Variants in NT5DC3 observed in about 807,000 individuals in gnomAD.
The protein encoded by NT5DC3 is 5'-nucleotidase domain containing 3.
NT5DC3 carries 42 observed loss-of-function variants against 67.8 expected under a neutral mutation model. The ratio of observed to expected loss-of-function variants is 0.62; its 90% confidence interval spans 0.48 to 0.80. The LOEUF (loss-of-function observed/expected upper bound fraction) is 0.80, where lower values mean the gene tolerates loss of function less well. Among genes scored for constraint, NT5DC3 ranks in the 30% least tolerant of loss-of-function variants. The probability of loss-of-function intolerance (pLI) is 0.00; values close to 1 mark genes in which losing one functional copy is unlikely to be tolerated. For missense variants in NT5DC3, 570 were observed against 696.4 expected (o/e 0.82, Z 2.04); for synonymous variants, 237 against 255.6 (o/e 0.93, Z 0.69).
At chr12:103,807,799 G>A (rs1397827768) in intron 2 of NT5DC3, among the ~76,000 whole-genome samples, 1 of 152,108 alleles carries the variant, frequency 6.6e-6, no homozygotes, top group African/African-American at 2.4e-5. Context: ...CCATACTCAC[G>A]AGATCTGATG....
rs373708288 is a variant in NT5DC3 at position 103,787,914 on chromosome 12, GCTATTAT to G, written c.1102-394_1102-388del. 2.5e-3 allele frequency among the ~76,000 whole-genome samples: 374 copies of G among 152,206 alleles called. 1 individual carries two copies. Among genetic ancestry groups the G allele is most frequent in the African/African-American group, 8.5e-3 (352 of 41,540 alleles). The stretch of plus-strand genomic sequence containing the variant: ...ACATTCTCATAGCCAAGTTGTATTA[GCTATTAT>G]CTTCATAATTTTCTTAGGCTAACTT... On this transcript the variant is annotated intron_variant, in intron 10 of 13. Transcript: ENST00000392876.
At chr12:103,805,534 C>T (rs890176173) in intron 4 of NT5DC3, among the ~76,000 whole-genome samples, 1 of 151,976 alleles carries the variant, frequency 6.6e-6, no homozygotes, top group African/African-American at 2.4e-5. Flanking sequence ...AAAAAAAGGC[C>T]AAGTTCTCCA....
chr12:103,751,635 C>T, the NT5DC3 span, among the ~76,000 whole-genome samples: 289 of 152,192 alleles, frequency 1.9e-3, 1 homozygote, highest in African/African-American at 6.5e-3. Flanking sequence ...ACAGCTGGGA[C>T]CAGCTGATTT....
chr12:103,766,710 CAG>C (rs1884990097), downstream of NT5DC3: 2 of 185,608 alleles, frequency 1.1e-5, no homozygotes, highest in Non-Finnish European at 2.3e-5. Context: ...GTTTATGGAA[CAG>C]AAACAAAGTC....
At chr12:103,803,738 T>C (rs1886678394) in intron 4 of NT5DC3, among the ~76,000 whole-genome samples, 1 of 152,196 alleles carries the variant, frequency 6.6e-6, no homozygotes, top group South Asian at 2.1e-4. Context: ...TGGCTTCCTG[T>C]TCCTGCGTTA....
chr12:103,820,956 A>G (rs554128310), intron 1 of NT5DC3: 1 of 152,330 alleles, frequency 6.6e-6, no homozygotes, highest in South Asian at 2.1e-4. Flanking sequence ...AGTTGGCTCC[A>G]CTTTCCAGAC....
At chr12:103,761,367 T>C in the NT5DC3 span, 1 of 1,613,968 alleles carries the variant, frequency 6.2e-7, no homozygotes, top group East Asian at 2.2e-5. Context: ...AATGGGATCA[T>C]TCATGTCATT....
At chr12:103,753,492 C>A in the NT5DC3 span, 1 of 1,148,644 alleles carries the variant, frequency 8.7e-7, no homozygotes, top group Non-Finnish European at 1.2e-6. Flanking sequence ...TGCTAACAGT[C>A]ACCATGTCCA....
chr12:103,780,471 T>C, intron 12 of NT5DC3, 107 bp from the exon 13 acceptor site: 1 of 971,084 alleles, frequency 1.0e-6, no homozygotes, highest in Non-Finnish European at 1.6e-6. Flanking sequence ...TTTATTCCCT[T>C]ACATCTCAGA....
intron 2 of NT5DC3, among the ~76,000 whole-genome samples, chr12:103,813,808 G>C (rs1887134313): frequency 6.6e-6 from 1 of 152,222 alleles, no homozygotes; most frequent in Non-Finnish European, 1.5e-5. Flanking sequence ...AAAAGTCTTA[G>C]AGGGCGTAAT....
chr12:103,778,553 A>G (rs1458324391), intron 13 of NT5DC3, among the ~76,000 whole-genome samples: 1 of 150,762 alleles, frequency 6.6e-6, no homozygotes, highest in Non-Finnish European at 1.5e-5. Context: ...ACAAACAAAC[A>G]AAAAAAACAG....
At chr12:103,750,779 A>G in the NT5DC3 span, 1 of 1,542,810 alleles carries the variant, frequency 6.5e-7, no homozygotes, top group Non-Finnish European at 8.8e-7. Flanking sequence ...TGGGGAAGGG[A>G]CCCTCAAGGG....
In NT5DC3 at chr12:103,826,859, T is replaced by G. The variant is rs564118303; in HGVS notation, c.209-11738A>C. Among the ~76,000 whole-genome samples, 9 of 152,380 alleles carry G rather than the reference T, an allele frequency of 5.9e-5. No individual in the cohort carries two copies. In the South Asian group the frequency reaches 1.7e-3, roughly 28 times the overall value. Reference sequence around the variant, plus strand: ...CAAATATAAAACCATGACATTCTTCTAAATTTCTTTTATTTTGGATAATAG... The same window carrying G: ...CAAATATAAAACCATGACATTCTTCGAAATTTCTTTTATTTTGGATAATAG... On this transcript the variant is annotated intron_variant, in intron 1 of 13. Coordinates refer to ENST00000392876, the MANE Select transcript of NT5DC3 (RefSeq NM_001031701.3).
rs1205045264 is a variant in NT5DC3, at chr12:103,777,093, A to G, written c.*736T>C. On this transcript the variant is annotated 3_prime_UTR_variant, in exon 14 of 14. Coordinates refer to ENST00000392876, the MANE Select transcript of NT5DC3 (RefSeq NM_001031701.3). ...CCACTCGTTTCTTGCAGAAGGCTCTACAGAAGGCTGTTCCACTAGCTGGCA... is the reference window on the plus strand; with the variant it reads ...CCACTCGTTTCTTGCAGAAGGCTCTGCAGAAGGCTGTTCCACTAGCTGGCA... The G allele has an allele frequency of 2.0e-5, 3 of 152,238 alleles. No individual in the cohort carries two copies. Among genetic ancestry groups the G allele is most frequent in the African/African-American group, 7.2e-5 (3 of 41,426 alleles). 9.4% of individuals were successfully genotyped at this position (152,238 alleles called of 1,614,324 possible).
At chr12:103,762,938 G>C in the NT5DC3 span, among the ~76,000 whole-genome samples, 15 of 152,200 alleles carry the variant, frequency 9.9e-5, no homozygotes, top group South Asian at 2.1e-4. Flanking sequence ...CAGCACAGCG[G>C]TTGAGCATCT....
the NT5DC3 span, among the ~76,000 whole-genome samples, chr12:103,748,069 A>G: frequency 1.1e-4 from 17 of 152,170 alleles, no homozygotes; most frequent in African/African-American, 3.9e-4. Context: ...CAGCAGTCTC[A>G]GCCACATGTA....
chr12:103,836,480 T>G (rs1007124000), intron 1 of NT5DC3, among the ~76,000 whole-genome samples: 5 of 152,144 alleles, frequency 3.3e-5, no homozygotes, highest in African/African-American at 1.2e-4. Context: ...CAGTCAAATT[T>G]TAAAGCTCCA....
chr12:103,819,314 C>A (rs964663511), intron 1 of NT5DC3, among the ~76,000 whole-genome samples: 2 of 152,262 alleles, frequency 1.3e-5, no homozygotes, highest in Admixed American at 6.5e-5. Context: ...AATTACAAAG[C>A]AAAAGAAAAA....
Position 103,780,225 on chromosome 12 carries a change from C to T in NT5DC3, c.1394+75G>A, listed in dbSNP as rs1593380670. 2.7e-5 allele frequency: 34 copies of T among 1,274,850 alleles called. No homozygotes were observed. In the East Asian group the frequency reaches 7.6e-4, roughly 29 times the overall value. The allele number at this position is 1,274,850 out of a possible 1,614,324, so 79.0% of individuals were successfully genotyped here. A position where few individuals can be genotyped will look rare whatever the true frequency, so the allele number is the denominator to read the frequency against. On this transcript the variant is annotated intron_variant, in intron 13 of 13. Transcript: ENST00000392876. ...TTCAACATTATGCCTCAGGCTGGCC[C>T]TGGGGAACACATGTGGGCTGAGCAC...
Sources: gnomAD v4.1 joint callset for allele counts (sites outside exome capture counted in the v4.1 genomes callset) on GRCh38, gnomAD v4.1.1 for gene constraint, MANE v1.5 for transcripts, NCBI Gene and HGNC (gene_info 2026-07-23, HGNC 2026-07-21) for gene names.